PDE6B: variants seen among roughly 807,000 people sequenced by gnomAD.
PDE6B encodes the protein rod cGMP-specific 3',5'-cyclic phosphodiesterase subunit beta.
In PDE6B, 106 loss-of-function variants were observed where a neutral mutation model predicts 109.0. The observed-to-expected ratio is 0.97, with a 90% CI of 0.83 to 1.14. The LOEUF (loss-of-function observed/expected upper bound fraction) is 1.14, where lower values mean the gene tolerates loss of function less well. Among genes scored for constraint, PDE6B ranks in the 50% most tolerant of loss-of-function variants. PDE6B has a pLI of 0.00. For synonymous variants in PDE6B, 490 were observed against 471.3 expected (o/e 1.04, Z -0.51); for missense variants, 1,193 against 1,155.6 (o/e 1.03, Z -0.47).
intron 3 of PDE6B, among the ~76,000 whole-genome samples, chr4:638,102 C>A (rs78274304): frequency 4.9e-4 from 75 of 152,290 alleles, no homozygotes; most frequent in Non-Finnish European, 8.5e-4. Context: ...TGCTGCTCTG[C>A]ACCCTCACCA....
rs368110918 is a variant in PDE6B, at chr4:667,979, G to C, written c.2476G>C (p.Glu826Gln). 13 of 1,612,860 alleles carry C rather than the reference G, an allele frequency of 8.1e-6. No homozygotes were observed. Among genetic ancestry groups the C allele is most frequent in the Non-Finnish European group, 1.1e-5 (13 of 1,179,642 alleles). ...AGTGAAGGCTCTGGAGGAGAAGGAGGAGGAGGAGAGGGTGGCAGCCAAGAA... is the reference window on the plus strand; with the variant it reads ...AGTGAAGGCTCTGGAGGAGAAGGAGCAGGAGGAGAGGGTGGCAGCCAAGAA... The part of the protein sequence containing the change: ...AKVKALEEKE[E>Q]EERVAAKKVG... The change falls in exon 21 of 22, where the codon GAG (glutamate) becomes CAG (glutamine). Residue 826 changes from glutamate (E) to glutamine (Q), a missense_variant. Transcript: ENST00000496514.
intron 3 of PDE6B, among the ~76,000 whole-genome samples, chr4:644,615 C>A (rs1014356391): frequency 2.6e-4 from 40 of 152,018 alleles, no homozygotes; most frequent in African/African-American, 9.7e-4. Flanking sequence ...CTGCAACCTC[C>A]ACCTCGTGGA....
At chr4:664,971 A>G (rs1737619772) in intron 18 of PDE6B, 27 bp downstream of exon 18, 1 of 1,564,402 alleles carries the variant, frequency 6.4e-7, no homozygotes, top group Admixed American at 1.7e-5. Context: ...CTCCAGACCC[A>G]GAGTCAGTGC....
At chr4:653,375 G>A in intron 3 of PDE6B, 1 of 1,096,484 alleles carries the variant, frequency 9.1e-7, no homozygotes, top group Non-Finnish European at 1.1e-6. Context: ...TGTGCAGCGG[G>A]ATGTCCTGAG....
chr4:639,922 T>C (rs1734867575), intron 3 of PDE6B, among the ~76,000 whole-genome samples: 1 of 151,858 alleles, frequency 6.6e-6, no homozygotes, highest in African/African-American at 2.4e-5. Flanking sequence ...CCTCAGGTCC[T>C]CCTCCCCAAG....
chr4:643,710 A>AT (rs1052531421), intron 3 of PDE6B, among the ~76,000 whole-genome samples: 3 of 151,944 alleles, frequency 2.0e-5, no homozygotes, highest in Non-Finnish European at 4.4e-5. Context: ...TAGAGTTGTC[A>AT]TAATATTTAT....
intron 11 of PDE6B, 57 bp downstream of exon 11, chr4:659,074 G>A (rs1226270054): frequency 5.4e-6 from 7 of 1,287,450 alleles, no homozygotes; most frequent in Non-Finnish European, 6.8e-6. Context: ...AGGCTGGGAG[G>A]AAGAGTTCTG....
At chr4:653,626 C>T (rs570504887) in intron 3 of PDE6B, 45 of 621,220 alleles carry the variant, frequency 7.2e-5, no homozygotes, top group East Asian at 3.6e-4. Flanking sequence ...GGGACACGAC[C>T]GCAGCCTCGA....
chr4:640,634 A>G (rs1485931370), intron 3 of PDE6B, among the ~76,000 whole-genome samples: 1 of 151,864 alleles, frequency 6.6e-6, no homozygotes, highest in African/African-American at 2.4e-5. Flanking sequence ...GGTCACCTAC[A>G]TTTTCTCTTA....
intron 1 of PDE6B, among the ~76,000 whole-genome samples, chr4:627,474 C>T (rs2109117384): frequency 6.6e-6 from 1 of 152,238 alleles, no homozygotes; most frequent in Middle Eastern, 3.4e-3. Flanking sequence ...ATCCCAATGG[C>T]AGTAAGCAAG....
chr4:669,981 G>A lies in PDE6B; in HGVS notation c.2504-65G>A. 3.0e-6 allele frequency: 4 copies of A among 1,346,312 alleles called. No individual in the cohort carries two copies. The South Asian group carries it at 3.5e-5, about 12-fold the overall frequency. The allele number at this position is 1,346,312 out of a possible 1,614,324, so 83.4% of individuals were successfully genotyped here. A position where few individuals can be genotyped will look rare whatever the true frequency, so the allele number is the denominator to read the frequency against. The stretch of plus-strand genomic sequence containing the variant: ...GGTTGGTAGAGGTCACACCAGGCAG[G>A]AGGGAAGGAATAGGGCTGGTGTGCA... On this transcript the variant is annotated intron_variant, in intron 21 of 21. Transcript: ENST00000496514.
Position 626,112 on chromosome 4 carries a change from C to G in PDE6B, c.468+18C>G. On this transcript the variant is annotated intron_variant, in intron 1 of 21. Transcript: ENST00000496514. The surrounding 1 kb of genome is among the most constrained non-coding windows in gnomAD (Gnocchi z 4.6). ...TGGCCGAGGTGGGTCTGTGCGGAGCCTCAGGGAGGCGGCTGTGTGCATCTC... is the reference window on the plus strand; with the variant it reads ...TGGCCGAGGTGGGTCTGTGCGGAGCGTCAGGGAGGCGGCTGTGTGCATCTC... 1 of 1,443,634 alleles carries G rather than the reference C, an allele frequency of 6.9e-7. No individual in the cohort carries two copies. The highest frequency in any genetic ancestry group is 1.2e-5 in the South Asian group (1 of 82,646). 89.4% of individuals were successfully genotyped at this position (1,443,634 alleles called of 1,614,324 possible).
intron 1 of PDE6B, among the ~76,000 whole-genome samples, chr4:631,812 A>G (rs1217843202): frequency 6.8e-6 from 1 of 146,654 alleles, no homozygotes; most frequent in Non-Finnish European, 1.5e-5. Context: ...TCAAAGGGTC[A>G]TGAGGGTCAC....
chr4:630,415 CAG>C (rs1260540718), intron 1 of PDE6B, among the ~76,000 whole-genome samples: 1 of 152,096 alleles, frequency 6.6e-6, no homozygotes, highest in Non-Finnish European at 1.5e-5. Context: ...GCAAGGGCAG[CAG>C]AGTGACCAGA....
chr4:667,831 G>A (rs1398574994), intron 20 of PDE6B, 25 bp from the exon 21 acceptor site: 1 of 1,610,588 alleles, frequency 6.2e-7, no homozygotes, highest in South Asian at 1.1e-5. Flanking sequence ...GACAGGACTG[G>A]TGGTGACTTC....
intron 1 of PDE6B, among the ~76,000 whole-genome samples, chr4:631,765 C>T (rs1476488272): frequency 6.6e-6 from 1 of 151,742 alleles, no homozygotes; most frequent in Non-Finnish European, 1.5e-5. Context: ...GTGGCACCAT[C>T]TGAGGGTCAC....
chr4:663,748 G>A lies in PDE6B; in HGVS notation c.1921-22G>A. The A allele has an allele frequency of 1.3e-6, 2 of 1,593,776 alleles. No individual in the cohort carries two copies. The highest frequency in any genetic ancestry group is 2.2e-5 in the East Asian group (1 of 44,672). ...GAGAGGTGGCCGCAGGGCGCCTGAC[G>A]CGCTGGGCATAACCTCCGCAGACCC... On this transcript the variant is annotated intron_variant, in intron 15 of 21. Coordinates refer to ENST00000496514, the MANE Select transcript of PDE6B (RefSeq NM_000283.4). The surrounding 1 kb of genome is among the most constrained non-coding windows in gnomAD (Gnocchi z 4.0).
chr4:660,620 G>A lies in PDE6B; in HGVS notation c.1614+7G>A, dbSNP rs1273222836. The A allele has an allele frequency of 6.2e-7, 1 of 1,613,094 alleles. No individual in the cohort carries two copies. The highest frequency in any genetic ancestry group is 1.1e-5 in the South Asian group (1 of 91,050). On this transcript the variant is annotated splice_region_variant and intron_variant, in intron 12 of 21. Transcript: ENST00000496514. ...GTTCCAGATCCCCCAGGAGGTGGGAGACACCGCAGGGCGCATAGTCAGGTC... is the reference window on the plus strand; with the variant it reads ...GTTCCAGATCCCCCAGGAGGTGGGAAACACCGCAGGGCGCATAGTCAGGTC...
intron 10 of PDE6B, among the ~76,000 whole-genome samples, chr4:658,460 C>G (rs1421527991): frequency 7.0e-6 from 1 of 142,714 alleles, no homozygotes; most frequent in Non-Finnish European, 1.5e-5. Context: ...GGGCAGGTCA[C>G]CCAGGGGTCA....
Sources: gnomAD v4.1 joint callset for allele counts (sites outside exome capture counted in the v4.1 genomes callset) on GRCh38, gnomAD v4.1.1 for gene constraint, Gnocchi (gnomAD v3.1) non-coding constraint, MANE v1.5 for transcripts, NCBI Gene and HGNC (gene_info 2026-07-23, HGNC 2026-07-21) for gene names.